SPIRE1: variants seen among roughly 807,000 people sequenced by gnomAD.
SPIRE1 encodes the protein protein spire homolog 1.
SPIRE1 carries 40 observed loss-of-function variants against 94.1 expected under a neutral mutation model. That is an observed-to-expected ratio of 0.43 (90% CI 0.33 to 0.55). The LOEUF is 0.55. SPIRE1 is among the 20% of genes least tolerant of loss of function. The pLI is 0.06. For synonymous variants in SPIRE1, 376 were observed against 371.7 expected (o/e 1.01, Z -0.13); for missense variants, 838 against 975.2 (o/e 0.86, Z 1.87).
intron 4 of SPIRE1, among the ~76,000 whole-genome samples, chr18:12,532,455 A>G (rs1403284705): frequency 1.2e-4 from 19 of 152,176 alleles, no homozygotes. Context: ...CTTCCACCCC[A>G]ATTTATATGC....
At chr18:12,498,760 G>C (rs1027027205) in intron 6 of SPIRE1, among the ~76,000 whole-genome samples, 4 of 152,116 alleles carry the variant, frequency 2.6e-5, no homozygotes, top group Non-Finnish European at 5.9e-5. Context: ...CTGAGTAGCT[G>C]GGACTACAGG....
At chr18:12,656,432 G>A (rs1370528960) in intron 1 of SPIRE1, 1 of 152,142 alleles carries the variant, frequency 6.6e-6, no homozygotes, top group Non-Finnish European at 1.5e-5. Context: ...ATAAAAATGT[G>A]TTTACCTGAC....
chr18:12,574,295 A>C (rs1305388639), intron 2 of SPIRE1, among the ~76,000 whole-genome samples: 2 of 152,214 alleles, frequency 1.3e-5, no homozygotes, highest in African/African-American at 4.8e-5. Flanking sequence ...TAGAGAACGG[A>C]TTAAAAATGG....
Position 12,608,980 on chromosome 18 carries a change from G to T in SPIRE1, c.372+26082C>A, listed in dbSNP as rs187712294. On this transcript the variant is annotated intron_variant, in intron 2 of 16. Transcript: ENST00000409402. ...ATTTTTCCACAAATGGGGGTGGGGT[G>T]TGGGGATGGTTTTCAGGATGAAACT... Among the ~76,000 whole-genome samples the T allele has an allele frequency of 2.4e-3, 361 of 152,274 alleles. 2 individuals are homozygous for T. Among genetic ancestry groups the T allele is most frequent in the Non-Finnish European group, 3.8e-3 (256 of 68,016 alleles).
At chr18:12,538,065 G>A (rs2034894719) in intron 3 of SPIRE1, among the ~76,000 whole-genome samples, 1 of 152,064 alleles carries the variant, frequency 6.6e-6, no homozygotes, top group Admixed American at 6.5e-5. Flanking sequence ...TCAGGAAACT[G>A]AGATTTAGAC....
At chr18:12,540,897 T>G (rs1313198282) in intron 3 of SPIRE1, among the ~76,000 whole-genome samples, 1 of 152,202 alleles carries the variant, frequency 6.6e-6, no homozygotes, top group African/African-American at 2.4e-5. Flanking sequence ...TCTCACACCA[T>G]CCTGCACTGT....
At chr18:12,658,135 C>CGCGCCGTCCA (rs1265261598), upstream of SPIRE1, 2 of 962,842 alleles carry the variant, frequency 2.1e-6, no homozygotes, top group Admixed American at 6.2e-5. Flanking sequence ...CGCCCCGCCT[C>CGCGCCGTCCA]GCGCCGTCCA....
intron 10 of SPIRE1, among the ~76,000 whole-genome samples, chr18:12,466,289 A>T (rs539833695): frequency 3.9e-5 from 6 of 151,990 alleles, no homozygotes; most frequent in South Asian, 4.2e-4. Flanking sequence ...ATATATATAT[A>T]TTTTTGAGAC....
chr18:12,618,901 C>T (rs1598540595), intron 2 of SPIRE1, among the ~76,000 whole-genome samples: 1 of 149,476 alleles, frequency 6.7e-6, no homozygotes, highest in East Asian at 2.0e-4. Context: ...TTTTCCCCCC[C>T]AAGACAGAGT....
At chr18:12,650,751 T>C (rs965557677) in intron 1 of SPIRE1, among the ~76,000 whole-genome samples, 4 of 150,360 alleles carry the variant, frequency 2.7e-5, no homozygotes, top group Admixed American at 6.6e-5. Flanking sequence ...TGGTGACACA[T>C]GCCTGTAGTC....
intron 6 of SPIRE1, among the ~76,000 whole-genome samples, chr18:12,504,521 A>C (rs1038140622): frequency 2.0e-5 from 3 of 152,218 alleles, no homozygotes; most frequent in Non-Finnish European, 4.4e-5. Flanking sequence ...AATGAAAAAC[A>C]AAAAACCAAG....
chr18:12,461,577 A>T, intron 12 of SPIRE1, among the ~76,000 whole-genome samples: 1 of 62,540 alleles, frequency 1.6e-5, no homozygotes, highest in African/African-American at 3.9e-5. Context: ...GTATGTACAT[A>T]CATATGTATA....
chr18:12,658,521 C>T (rs995866931), upstream of SPIRE1: 11 of 465,056 alleles, frequency 2.4e-5, no homozygotes, highest in Non-Finnish European at 4.0e-5. Flanking sequence ...GCGCGCCAAC[C>T]CGGGTCACCG....
At chr18:12,519,204 A>G (rs2034288113) in intron 4 of SPIRE1, among the ~76,000 whole-genome samples, 1 of 152,236 alleles carries the variant, frequency 6.6e-6, no homozygotes. Flanking sequence ...CTTAATTCGA[A>G]TTTATATGGT....
chr18:12,506,585 C>G lies in SPIRE1; in HGVS notation c.864G>C (p.Lys288Asn), dbSNP rs374845625. The G allele has an allele frequency of 6.2e-7, 1 of 1,613,946 alleles. No individual in the cohort carries two copies. Among genetic ancestry groups the G allele is most frequent in the Non-Finnish European group, 8.5e-7 (1 of 1,180,002 alleles). The part of the protein sequence containing the change: ...RDLRNGVKLK[K>N]VQERQYNPLP... ...AAGGGTTGTACTGCCGCTCTTGGAC[C>G]TTCTTAAGTTTTACCCCATTCCTCA... Residue 288 changes from lysine to asparagine, a missense_variant, in exon 6 of 17, where the codon AAG becomes AAC. Lys to Asn is a moderately conservative substitution (Grantham distance 94). Coordinates refer to ENST00000409402, the MANE Select transcript of SPIRE1 (RefSeq NM_001128626.2).
chr18:12,451,729 A>C (rs557520894), intron 16 of SPIRE1, among the ~76,000 whole-genome samples: 1 of 152,352 alleles, frequency 6.6e-6, no homozygotes, highest in South Asian at 2.1e-4. Flanking sequence ...ATCTTTCTTA[A>C]GGCCCAACAC....
At chr18:12,457,935 C>G (rs2031598190) in intron 12 of SPIRE1, among the ~76,000 whole-genome samples, 1 of 151,310 alleles carries the variant, frequency 6.6e-6, no homozygotes, top group Non-Finnish European at 1.5e-5. Context: ...AGCTCCACCT[C>G]CAGGGTTCAC....
chr18:12,533,450 A>G (rs1803982441), intron 4 of SPIRE1, among the ~76,000 whole-genome samples: 1 of 152,364 alleles, frequency 6.6e-6, no homozygotes, highest in African/African-American at 2.4e-5. Flanking sequence ...TGCTGACATA[A>G]CAAGGTTTAG....
At chr18:12,656,400 AATAAAAG>A (rs2038538476) in intron 1 of SPIRE1, among the ~76,000 whole-genome samples, 1 of 152,234 alleles carries the variant, frequency 6.6e-6, no homozygotes, top group African/African-American at 2.4e-5. Context: ...GACGCTAAAA[AATAAAAG>A]ATAAAAGCAT....
Sources: allele counts gnomAD v4.1 joint callset (sites outside exome capture counted in the v4.1 genomes callset), GRCh38; gene constraint gnomAD v4.1.1; transcripts MANE v1.5; gene names NCBI Gene and HGNC (gene_info 2026-07-23, HGNC 2026-07-21).